Variants in FGF7 observed in about 807,000 individuals in gnomAD.
The protein encoded by FGF7 is fibroblast growth factor 7, also known as FGF-7.
FGF7 carries 6 observed loss-of-function variants against 20.5 expected under a neutral mutation model. That is an observed-to-expected ratio of 0.29 (90% CI 0.16 to 0.58). The LOEUF is 0.58. Ranked by LOEUF, FGF7 falls within the 20% of genes least tolerant of loss-of-function variation. The pLI, the probability that FGF7 is intolerant of heterozygous loss-of-function variation, is 0.90. For synonymous variants in FGF7, 64 were observed against 74.7 expected, an observed-to-expected ratio of 0.86 and a Z score of 0.74; for missense variants, 144 against 228.8, an observed-to-expected ratio of 0.63 and a Z score of 2.39.
In FGF7 at chr15:49,424,280, C is replaced by T; in HGVS notation, c.-18C>T. 6.3e-7 allele frequency: 1 copy of T among 1,599,942 alleles called. No homozygotes were observed. On this transcript the variant is annotated 5_prime_UTR_variant, in exon 2 of 4. Transcript: ENST00000267843. ...TTTTCATTATGTTATTCATGAACACCCGGAGCACTACACTATAATGCACAA... is the reference window on the plus strand; with the variant it reads ...TTTTCATTATGTTATTCATGAACACTCGGAGCACTACACTATAATGCACAA...
At position 49,462,373 on chromosome 15, in the gene FGF7, A is replaced by T. The variant is rs1004306223; in HGVS notation, c.287-20778A>T. Reference sequence around the variant, plus strand: ...ATTTACTAAATTTAGAAATTTTCGGATGATATTTCTTAATCACAATGCTTT... The same window carrying T: ...ATTTACTAAATTTAGAAATTTTCGGTTGATATTTCTTAATCACAATGCTTT... On this transcript the variant is annotated intron_variant, in intron 2 of 3. Coordinates refer to ENST00000267843, the MANE Select transcript of FGF7 (RefSeq NM_002009.4). Among the ~76,000 whole-genome samples the T allele has an allele frequency of 3.3e-5, 5 of 152,152 alleles. No homozygotes were observed. The South Asian group carries it at 1.0e-3, about 32-fold the overall frequency.
chr15:49,477,867 G>C (rs182126369), intron 2 of FGF7, among the ~76,000 whole-genome samples: 1 of 152,128 alleles, frequency 6.6e-6, no homozygotes. Context: ...GTTTAGTCAC[G>C]CTAATAGTTG....
At chr15:49,464,556 G>A (rs996154218) in intron 2 of FGF7, among the ~76,000 whole-genome samples, 2 of 152,138 alleles carry the variant, frequency 1.3e-5, no homozygotes, top group Non-Finnish European at 2.9e-5. Context: ...AAAACTGGCA[G>A]ATGACTTTTA....
chr15:49,469,751 T>C (rs934040889), intron 2 of FGF7, among the ~76,000 whole-genome samples: 2 of 152,166 alleles, frequency 1.3e-5, no homozygotes, highest in Non-Finnish European at 2.9e-5. Context: ...TGGTTACAAC[T>C]AAGTTATGCC....
chr15:49,465,690 ATT>A (rs1267422038), intron 2 of FGF7, among the ~76,000 whole-genome samples: 1 of 152,220 alleles, frequency 6.6e-6, no homozygotes, highest in Non-Finnish European at 1.5e-5. Flanking sequence ...ATAAAGTATT[ATT>A]TAAATTAACC....
At chr15:49,460,822 G>A (rs1456820643) in intron 2 of FGF7, among the ~76,000 whole-genome samples, 1 of 152,192 alleles carries the variant, frequency 6.6e-6, no homozygotes, top group African/African-American at 2.4e-5. Flanking sequence ...CTTTGTGTGT[G>A]AGGCAGATAT....
Position 49,484,599 on chromosome 15 carries a change from T to C in FGF7, c.*95T>C, listed in dbSNP as rs530140911. ...CAAAATTTTCTTTCCTTTTATTTTT[T>C]AGTAATCAAGAAAGGCTGGAAAACT... is the stretch of plus-strand genomic sequence containing the variant. On this transcript the variant is annotated 3_prime_UTR_variant, in exon 4 of 4. Coordinates refer to ENST00000267843, the MANE Select transcript of FGF7 (RefSeq NM_002009.4). 89 of 568,498 alleles carry C rather than the reference T, an allele frequency of 1.6e-4. 1 individual carries two copies. The African/African-American group carries it at 1.7e-3, about 11-fold the overall frequency. 35.2% of individuals were successfully genotyped at this position (568,498 alleles called of 1,614,324 possible).
In FGF7 at chr15:49,485,443, T is replaced by C. The variant is rs944420418; in HGVS notation, c.*939T>C. On this transcript the variant is annotated 3_prime_UTR_variant, in exon 4 of 4. Coordinates refer to ENST00000267843, the MANE Select transcript of FGF7 (RefSeq NM_002009.4). ...TATTTTAAGTTGTTTTTGAACTTTA[T>C]TGTTTTGTTATTTAAGTTTATGTTA... is the stretch of plus-strand genomic sequence containing the variant. 1 of 151,966 alleles carries C rather than the reference T, an allele frequency of 6.6e-6. No homozygotes were observed. The highest frequency in any genetic ancestry group is 1.5e-5 in the Non-Finnish European group (1 of 67,810). 9.4% of individuals were successfully genotyped at this position (151,966 alleles called of 1,614,324 possible). A position where few individuals can be genotyped will look rare whatever the true frequency, so the allele number is the denominator to read the frequency against.
chr15:49,464,639 A>C (rs987373329), intron 2 of FGF7, among the ~76,000 whole-genome samples: 2 of 152,224 alleles, frequency 1.3e-5, no homozygotes, highest in African/African-American at 2.4e-5. Flanking sequence ...TCTTGCAAAA[A>C]TGACACCAAT....
intron 2 of FGF7, among the ~76,000 whole-genome samples, chr15:49,462,070 G>C (rs765745444): frequency 6.6e-6 from 1 of 152,080 alleles, no homozygotes; most frequent in Admixed American, 6.6e-5. Flanking sequence ...AGTGAGCTGA[G>C]ATCGTGCCAC....
At chr15:49,482,400 A>G (rs191726570) in intron 2 of FGF7, among the ~76,000 whole-genome samples, 24 of 152,224 alleles carry the variant, frequency 1.6e-4, no homozygotes, top group African/African-American at 5.3e-4. Context: ...ATGAAGTATT[A>G]TATAAACAGG....
At chr15:49,431,424 A>G (rs76865168) in intron 2 of FGF7, among the ~76,000 whole-genome samples, 3,545 of 151,926 alleles carry the variant, frequency 0.023, 90 homozygotes, top group South Asian at 0.13. Context: ...GGGTTTGTGT[A>G]GTAATATGTA....
chr15:49,462,489 AT>A (rs1487112284), intron 2 of FGF7, among the ~76,000 whole-genome samples: 1 of 152,180 alleles, frequency 6.6e-6, no homozygotes, highest in Non-Finnish European at 1.5e-5. Context: ...GGCAAATATA[AT>A]TTCTAACATA....
At chr15:49,478,147 C>T (rs1231613931) in intron 2 of FGF7, among the ~76,000 whole-genome samples, 1 of 152,114 alleles carries the variant, frequency 6.6e-6, no homozygotes, top group Non-Finnish European at 1.5e-5. Context: ...TTAGCTCCCA[C>T]TTATAAGGGA....
chr15:49,482,066 G>C (rs2055997114), intron 2 of FGF7, among the ~76,000 whole-genome samples: 1 of 152,094 alleles, frequency 6.6e-6, no homozygotes, highest in African/African-American at 2.4e-5. Context: ...AATAGTTTTT[G>C]AAGGCCCAAT....
At chr15:49,463,427 G>A (rs372719286) in intron 2 of FGF7, among the ~76,000 whole-genome samples, 3 of 151,730 alleles carry the variant, frequency 2.0e-5, no homozygotes, top group Non-Finnish European at 2.9e-5. Context: ...GGTGATGGGC[G>A]CCTGTAATCC....
intron 2 of FGF7, among the ~76,000 whole-genome samples, chr15:49,477,787 C>G (rs2055487982): frequency 1.3e-5 from 2 of 152,174 alleles, no homozygotes; most frequent in Non-Finnish European, 2.9e-5. Context: ...ATTTTGCATT[C>G]CCACTAGTAA....
At chr15:49,482,797 G>A (rs2056067016) in intron 2 of FGF7, among the ~76,000 whole-genome samples, 1 of 151,930 alleles carries the variant, frequency 6.6e-6, no homozygotes, top group South Asian at 2.1e-4. Context: ...TAAGAGCAAT[G>A]CAATAATCCT....
chr15:49,436,031 T>C (rs2051071548), intron 2 of FGF7, among the ~76,000 whole-genome samples: 1 of 151,526 alleles, frequency 6.6e-6, no homozygotes, highest in Non-Finnish European at 1.5e-5. Flanking sequence ...GCTGTAAGCT[T>C]GCAATTACAC....
Sources: allele counts gnomAD v4.1 joint callset (sites outside exome capture counted in the v4.1 genomes callset), GRCh38; gene constraint gnomAD v4.1.1; transcripts MANE v1.5; gene names NCBI Gene and HGNC (gene_info 2026-07-23, HGNC 2026-07-21).